Variants in CHD9 observed in about 807,000 individuals in gnomAD.
CHD9 encodes the protein chromodomain helicase DNA binding protein 9.
CHD9 carries 77 observed loss-of-function variants against 316.1 expected under a neutral mutation model. The ratio of observed to expected loss-of-function variants is 0.24; its 90% CI spans 0.20 to 0.29. The LOEUF (loss-of-function observed/expected upper bound fraction) is 0.29, where lower values mean the gene tolerates loss of function less well. Among genes scored for constraint, CHD9 ranks in the 10% least tolerant of loss-of-function variants. CHD9 has a pLI of 1.00. For missense variants in CHD9, 2,763 were observed against 3,438.1 expected (o/e 0.80, Z 4.91); for synonymous variants, 1,129 against 1,158.3 (o/e 0.97, Z 0.51).
At chr16:53,274,435 G>A in intron 24 of CHD9, 133 bp downstream of exon 24, 1 of 465,852 alleles carries the variant, frequency 2.1e-6, no homozygotes, top group Non-Finnish European at 3.8e-6. Context: ...ACCACACCTG[G>A]CTTAAATGAT....
intron 2 of CHD9, among the ~76,000 whole-genome samples, chr16:53,160,658 G>A (rs1208009771): frequency 1.3e-5 from 2 of 152,066 alleles, no homozygotes; most frequent in African/African-American, 4.8e-5. Context: ...TGTAATCCCA[G>A]AACTTTGGGA....
intron 1 of CHD9, among the ~76,000 whole-genome samples, chr16:53,105,759 C>G (rs987110917): frequency 3.3e-5 from 5 of 151,936 alleles, no homozygotes; most frequent in Admixed American, 2.6e-4. Context: ...ATCTAATCTT[C>G]CATGCTGTGG....
intron 1 of CHD9, among the ~76,000 whole-genome samples, chr16:53,091,776 G>A (rs2035963619): frequency 6.6e-6 from 1 of 152,138 alleles, no homozygotes; most frequent in Non-Finnish European, 1.5e-5. Flanking sequence ...CTGAACTCCA[G>A]GCAGTTATTT....
rs2049471489 is a variant in CHD9 at position 53,245,195 on chromosome 16, T to TATAC, written c.3055-140_3055-139insTACA. 4.0e-6 allele frequency: 2 copies of TATAC among 498,564 alleles called. No homozygotes were observed. The highest frequency in any genetic ancestry group is 2.3e-5 in the African/African-American group (1 of 44,068). 30.9% of individuals were successfully genotyped at this position (498,564 alleles called of 1,614,324 possible). ...AAACAAACAAACAAATATATATATA[T>TATAC]ACACACACACACACATAACATATAT... On this transcript the variant is annotated intron_variant, in intron 13 of 38. Transcript: ENST00000447540. The surrounding 1 kb of genome is among the most constrained non-coding windows in gnomAD (Gnocchi z 4.1).
intron 37 of CHD9, among the ~76,000 whole-genome samples, chr16:53,320,226 T>C (rs2057177245): frequency 6.8e-6 from 1 of 147,598 alleles, no homozygotes; most frequent in Admixed American, 6.8e-5. Context: ...AGAAATACCA[T>C]GTAAGAATAC....
intron 1 of CHD9, among the ~76,000 whole-genome samples, chr16:53,146,568 C>A (rs1402554087): frequency 6.7e-6 from 1 of 149,858 alleles, no homozygotes; most frequent in African/African-American, 2.5e-5. Context: ...GAGGCCGAGG[C>A]GGGTGGATCA....
At chr16:53,104,766 C>T (rs1224430728) in intron 1 of CHD9, among the ~76,000 whole-genome samples, 4 of 148,740 alleles carry the variant, frequency 2.7e-5, no homozygotes, top group East Asian at 2.0e-4. Context: ...GAGCTGAGAT[C>T]GTGCCACTGC....
intron 1 of CHD9, among the ~76,000 whole-genome samples, chr16:53,149,816 T>C (rs1349229892): frequency 6.9e-6 from 1 of 145,766 alleles, no homozygotes; most frequent in Non-Finnish European, 1.5e-5. Context: ...TACCTCAGCC[T>C]CCCAAAGTGC....
chr16:53,125,251 T>C (rs1270868814), intron 1 of CHD9, among the ~76,000 whole-genome samples: 3 of 125,500 alleles, frequency 2.4e-5, no homozygotes, highest in South Asian at 5.1e-4. Context: ...TGAGATGGAG[T>C]CTCACTCTGT....
chr16:53,098,209 C>T (rs1280757664), intron 1 of CHD9, among the ~76,000 whole-genome samples: 5 of 147,450 alleles, frequency 3.4e-5, no homozygotes, highest in Non-Finnish European at 6.0e-5. Flanking sequence ...GGCGTGGTGG[C>T]TTACGCCTGT....
chr16:53,278,117 A>G (rs1465682863), intron 24 of CHD9, among the ~76,000 whole-genome samples: 1 of 152,206 alleles, frequency 6.6e-6, no homozygotes, highest in Non-Finnish European at 1.5e-5. Flanking sequence ...GATGACACAA[A>G]TAAATGGAAA....
intron 1 of CHD9, among the ~76,000 whole-genome samples, chr16:53,116,981 C>T (rs1361041503): frequency 1.3e-5 from 2 of 152,104 alleles, no homozygotes; most frequent in Non-Finnish European, 2.9e-5. Flanking sequence ...GAACAGAAAA[C>T]CAAATACCAC....
rs191775297 is a variant in CHD9 at position 53,160,125 on chromosome 16, G to C, written c.1452+2584G>C. 2.2e-4 allele frequency among the ~76,000 whole-genome samples: 34 copies of C among 152,264 alleles called. No homozygotes were observed. The East Asian group carries it at 4.2e-3, about 19-fold the overall frequency. On this transcript the variant is annotated intron_variant, in intron 2 of 38. Coordinates refer to ENST00000447540, the MANE Select transcript of CHD9 (RefSeq NM_001308319.2). ...AACTCTCCACTGATTGAACTTAGGTGCATCTATCTACTTTGTATGTAGGTT... is the reference window on the plus strand; with the variant it reads ...AACTCTCCACTGATTGAACTTAGGTCCATCTATCTACTTTGTATGTAGGTT...
chr16:53,065,302 TC>T (rs1381398984), intron 1 of CHD9, among the ~76,000 whole-genome samples: 4 of 152,044 alleles, frequency 2.6e-5, no homozygotes, highest in Non-Finnish European at 2.9e-5. Flanking sequence ...ATCTTTTCCT[TC>T]CTACTGCTCC....
At chr16:53,193,087 C>A (rs1211271398) in intron 2 of CHD9, among the ~76,000 whole-genome samples, 1 of 152,056 alleles carries the variant, frequency 6.6e-6, no homozygotes, top group Non-Finnish European at 1.5e-5. Flanking sequence ...TTTGCATTCC[C>A]ACCAGCAGCA....
intron 1 of CHD9, among the ~76,000 whole-genome samples, chr16:53,149,438 A>T (rs1199655729): frequency 6.6e-6 from 1 of 152,100 alleles, no homozygotes; most frequent in African/African-American, 2.4e-5. Context: ...TTTTTACTTC[A>T]TAAATTTTGT....
intron 1 of CHD9, among the ~76,000 whole-genome samples, chr16:53,065,828 A>G (rs1200538374): frequency 6.6e-6 from 1 of 151,434 alleles, no homozygotes; most frequent in Non-Finnish European, 1.5e-5. Context: ...ATTTCTCTCT[A>G]CCTATGATTC....
chr16:53,242,005 C>T (rs1186429508), intron 12 of CHD9, among the ~76,000 whole-genome samples: 1 of 152,202 alleles, frequency 6.6e-6, no homozygotes, highest in Non-Finnish European at 1.5e-5. Context: ...GGCTTTCTTG[C>T]TGTTATCTGA....
At position 53,326,333 on chromosome 16, in the gene CHD9, T is replaced by G. The variant is rs1208268817; in HGVS notation, c.*1438T>G. The G allele has an allele frequency of 6.6e-6, 1 of 152,522 alleles. No individual in the cohort carries two copies. Among genetic ancestry groups the G allele is most frequent in the African/African-American group, 2.4e-5 (1 of 41,458 alleles). The allele number at this position is 152,522 out of a possible 1,614,324, so 9.4% of individuals were successfully genotyped here. A position where few individuals can be genotyped will look rare whatever the true frequency, so the allele number is the denominator to read the frequency against. ...ACTCAAATAAGTTAGTAGTAAAGTC[T>G]GCAAGGGCATAAATTTAGGGGGAAA... On this transcript the variant is annotated 3_prime_UTR_variant, in exon 39 of 39. Transcript: ENST00000447540.
Sources: gnomAD v4.1 joint callset for allele counts (sites outside exome capture counted in the v4.1 genomes callset) on GRCh38, gnomAD v4.1.1 for gene constraint, Gnocchi (gnomAD v3.1) non-coding constraint, MANE v1.5 for transcripts, NCBI Gene and HGNC (gene_info 2026-07-23, HGNC 2026-07-21) for gene names.